SHC3: variants seen among roughly 807,000 people sequenced by gnomAD.
SHC3 encodes SHC-transforming protein 3.
In SHC3, 15 loss-of-function variants were observed where a neutral mutation model predicts 60.4. The observed-to-expected ratio is 0.25, with a 90% CI of 0.17 to 0.38. The LOEUF (loss-of-function observed/expected upper bound fraction) is 0.38, where lower values mean the gene tolerates loss of function less well. SHC3 is among the 10% of genes least tolerant of loss of function. The probability of loss-of-function intolerance (pLI) is 1.00; values close to 1 mark genes in which losing one functional copy is unlikely to be tolerated. For missense variants in SHC3, 677 were observed against 786.1 expected, an observed-to-expected ratio of 0.86 and a Z score of 1.66; for synonymous variants, 294 against 325.9, an observed-to-expected ratio of 0.90 and a Z score of 1.05.
intron 1 of SHC3, among the ~76,000 whole-genome samples, chr9:89,128,552 T>C (rs1188056781): frequency 6.6e-6 from 1 of 152,166 alleles, no homozygotes; most frequent in Non-Finnish European, 1.5e-5. Flanking sequence ...AGATGAAGTT[T>C]CCAGAGGAAG....
chr9:89,110,352 G>C lies in SHC3; in HGVS notation c.545+2204C>G, dbSNP rs1054326156. On this transcript the variant is annotated intron_variant, in intron 2 of 11. Coordinates refer to ENST00000375835, the MANE Select transcript of SHC3 (RefSeq NM_016848.6). ...GTGACTGGAGTGCCTTTGGAAACCA[G>C]TTTTCCTGGTGCCTGTATAATATAA... 3 of 985,036 alleles carry C rather than the reference G, an allele frequency of 3.0e-6. No individual in the cohort carries two copies. In the African/African-American group the frequency reaches 5.2e-5, roughly 17 times the overall value. 61.0% of individuals were successfully genotyped at this position (985,036 alleles called of 1,614,324 possible).
chr9:89,080,027 C>A (rs1250810407), intron 2 of SHC3, among the ~76,000 whole-genome samples: 1 of 152,218 alleles, frequency 6.6e-6, no homozygotes, highest in African/African-American at 2.4e-5. Flanking sequence ...TGCAGCATAA[C>A]TATTAATAAC....
rs199832118 is a variant in SHC3 at position 89,076,975 on chromosome 9, G to A, written c.609+865C>T. On this transcript the variant is annotated intron_variant, in intron 3 of 11. Transcript: ENST00000375835. ...GGGTGGATCACGAGGTCAAGAGGTCGAGACCATCCTGGCCAATACAGTGAA... is the reference window on the plus strand; with the variant it reads ...GGGTGGATCACGAGGTCAAGAGGTCAAGACCATCCTGGCCAATACAGTGAA... Among the ~76,000 whole-genome samples the A allele has an allele frequency of 2.0e-4, 31 of 151,856 alleles. No individual in the cohort carries two copies. In the Middle Eastern group the frequency reaches 0.014, roughly 67 times the overall value.
At chr9:89,054,286 C>T (rs1277650560) in intron 6 of SHC3, among the ~76,000 whole-genome samples, 1 of 152,158 alleles carries the variant, frequency 6.6e-6, no homozygotes, top group African/African-American at 2.4e-5. Context: ...CGGGGGCAGG[C>T]CCTGCAGATT....
At chr9:89,088,837 A>G (rs988544312) in intron 2 of SHC3, 7 of 152,816 alleles carry the variant, frequency 4.6e-5, no homozygotes, top group Non-Finnish European at 1.5e-5. Flanking sequence ...TCCAGCAGGC[A>G]GGATGCATCC....
At chr9:89,061,749 G>C (rs964223182) in intron 6 of SHC3, among the ~76,000 whole-genome samples, 3 of 152,226 alleles carry the variant, frequency 2.0e-5, no homozygotes, top group Non-Finnish European at 4.4e-5. Context: ...TTCTGAGTGA[G>C]TAGTGTGATG....
chr9:89,161,731 G>A (rs1826709844), intron 1 of SHC3, among the ~76,000 whole-genome samples: 1 of 151,096 alleles, frequency 6.6e-6, no homozygotes, highest in Admixed American at 6.6e-5. Context: ...AGTGTTGGAA[G>A]TTCAGGCCAG....
intron 1 of SHC3, among the ~76,000 whole-genome samples, chr9:89,137,304 CTT>C (rs987468827): frequency 3.1e-4 from 47 of 152,154 alleles, no homozygotes; most frequent in African/African-American, 1.1e-3. Flanking sequence ...ACAGTTCACA[CTT>C]AGCTAAAAAT....
chr9:89,037,641 T>C (rs1404032727), intron 11 of SHC3: 2 of 664,188 alleles, frequency 3.0e-6, no homozygotes, highest in African/African-American at 3.6e-5. Flanking sequence ...GCATTCAAGA[T>C]AAATATTAAA....
At chr9:89,035,860 T>G (rs1400318757) in intron 11 of SHC3, among the ~76,000 whole-genome samples, 6 of 100,390 alleles carry the variant, frequency 6.0e-5, no homozygotes, top group African/African-American at 2.7e-4. Context: ...GATGTGTGTG[T>G]GTGTGTGTGT....
At chr9:89,060,254 A>T (rs981492961) in intron 6 of SHC3, among the ~76,000 whole-genome samples, 1 of 146,948 alleles carries the variant, frequency 6.8e-6, no homozygotes, top group African/African-American at 2.5e-5. Context: ...AAGGTAGAGG[A>T]TGTGGTGGAG....
chr9:89,065,646 C>T (rs937925460), intron 5 of SHC3, 66 bp from the exon 6 acceptor site: 3 of 1,521,080 alleles, frequency 2.0e-6, no homozygotes, highest in Non-Finnish European at 2.7e-6. Flanking sequence ...GTCAGGGACA[C>T]AGGGCACAAA....
chr9:89,040,528 G>A (rs570542113), intron 10 of SHC3, among the ~76,000 whole-genome samples: 49 of 152,110 alleles, frequency 3.2e-4, no homozygotes, highest in African/African-American at 6.7e-4. Flanking sequence ...CTTAGGGTCC[G>A]TGTCCAGGAG....
intron 1 of SHC3, among the ~76,000 whole-genome samples, chr9:89,134,351 G>A (rs1343531104): frequency 6.6e-6 from 1 of 152,078 alleles, no homozygotes; most frequent in Non-Finnish European, 1.5e-5. Context: ...GATTCTTTGT[G>A]TGAACATATT....
intron 1 of SHC3, among the ~76,000 whole-genome samples, chr9:89,122,682 A>G (rs1220323675): frequency 6.6e-6 from 1 of 152,222 alleles, no homozygotes; most frequent in Non-Finnish European, 1.5e-5. Flanking sequence ...GATTCATGGG[A>G]AAGGGCCACC....
At chr9:89,123,708 C>A (rs1826123224) in intron 1 of SHC3, among the ~76,000 whole-genome samples, 2 of 152,158 alleles carry the variant, frequency 1.3e-5, no homozygotes, top group South Asian at 4.1e-4. Flanking sequence ...TTCTCAGCCA[C>A]CAAACTTTCC....
chr9:89,105,600 T>C (rs1825847957), intron 2 of SHC3, among the ~76,000 whole-genome samples: 1 of 152,230 alleles, frequency 6.6e-6, no homozygotes, highest in Admixed American at 6.5e-5. Flanking sequence ...TAGTGTTTTA[T>C]CTTCAATATC....
chr9:89,097,533 A>G (rs1249802229), intron 2 of SHC3, among the ~76,000 whole-genome samples: 1 of 152,240 alleles, frequency 6.6e-6, no homozygotes, highest in African/African-American at 2.4e-5. Flanking sequence ...ATTATCGAAT[A>G]TAACTTCTTC....
At chr9:89,060,309 G>A (rs1825064792) in intron 6 of SHC3, among the ~76,000 whole-genome samples, 1 of 150,624 alleles carries the variant, frequency 6.6e-6, no homozygotes, top group Admixed American at 6.6e-5. Flanking sequence ...GTAGTACGTG[G>A]TAGAGGACGT....
Sources: allele counts gnomAD v4.1 joint callset (sites outside exome capture counted in the v4.1 genomes callset), GRCh38; gene constraint gnomAD v4.1.1; transcripts MANE v1.5; gene names NCBI Gene and HGNC (gene_info 2026-07-23, HGNC 2026-07-21).